The following BBS4 variants were observed in gnomAD, a reference collection of about 807,000 sequenced individuals.
BBS4 encodes Bardet-Biedl syndrome 4, also known as BBSome complex member BBS4.
In BBS4, 58 loss-of-function variants were observed where a neutral mutation model predicts 71.4. The observed-to-expected ratio is 0.81, with a 90% CI of 0.66 to 1.01. The LOEUF (loss-of-function observed/expected upper bound fraction) is 1.01, where lower values mean the gene tolerates loss of function less well. Among genes scored for constraint, BBS4 ranks in the 50% least tolerant of loss-of-function variants. The probability of loss-of-function intolerance (pLI) is 0.00; values close to 1 mark genes in which losing one functional copy is unlikely to be tolerated. For synonymous variants in BBS4, 228 were observed against 216.8 expected, an observed-to-expected ratio of 1.05 and a Z score of -0.46; for missense variants, 660 against 607.9, an observed-to-expected ratio of 1.09 and a Z score of -0.90.
Position 72,735,063 on chromosome 15 carries a change from T to C in BBS4, c.1037-50T>C, listed in dbSNP as rs1466429736. 7 of 1,423,024 alleles carry C rather than the reference T, an allele frequency of 4.9e-6. No individual in the cohort carries two copies. The African/African-American group carries it at 8.4e-5, about 17-fold the overall frequency. The allele number at this position is 1,423,024 out of a possible 1,614,324, so 88.1% of individuals were successfully genotyped here. On this transcript the variant is annotated intron_variant, in intron 12 of 15. Coordinates refer to ENST00000268057, the MANE Select transcript of BBS4 (RefSeq NM_033028.5). ...CTTTGGGGGTAGTCTTTAATACTCC[T>C]TTTGTCTTCTAAGCTGAGCTCTCCA...
At position 72,697,192 on chromosome 15, in the gene BBS4, CAAAGTA is replaced by C. The variant is rs960582749; in HGVS notation, c.76+1965_76+1970del. 4.6e-5 allele frequency among the ~76,000 whole-genome samples: 7 copies of C among 152,232 alleles called. No individual in the cohort carries two copies. In the South Asian group the frequency reaches 1.0e-3, roughly 23 times the overall value. ...AAGTGATCCACCTGCTTTGGCCCCC[CAAAGTA>C]CTGGGATTACAGGCATGAGCCACTG... On this transcript the variant is annotated intron_variant, in intron 2 of 15. Coordinates refer to ENST00000268057, the MANE Select transcript of BBS4 (RefSeq NM_033028.5).
chr15:72,729,894 CGT>C (rs1160276267), intron 10 of BBS4, among the ~76,000 whole-genome samples: 6 of 152,274 alleles, frequency 3.9e-5, no homozygotes, highest in Non-Finnish European at 8.8e-5. Flanking sequence ...TTATAATAGA[CGT>C]GTAACCCCTG....
At chr15:72,709,306 T>TG (rs1567410130) in intron 2 of BBS4, among the ~76,000 whole-genome samples, 2 of 152,224 alleles carry the variant, frequency 1.3e-5, no homozygotes, top group Admixed American at 6.5e-5. Flanking sequence ...ATTGAAATAT[T>TG]GGGGGCAGGT....
At chr15:72,729,505 C>T (rs552022309) in intron 9 of BBS4, 111 bp from the exon 10 acceptor site, 1 of 977,312 alleles carries the variant, frequency 1.0e-6, no homozygotes, top group African/African-American at 1.6e-5. Flanking sequence ...CCACCTTAGC[C>T]TCCCAAAGTG....
In BBS4 at chr15:72,731,700, T is replaced by C. The variant is rs2065828178; in HGVS notation, c.1010T>C (p.Met337Thr). The C allele has an allele frequency of 6.2e-7, 1 of 1,614,180 alleles. No individual in the cohort carries two copies. The highest frequency in any genetic ancestry group is 2.2e-5 in the East Asian group (1 of 44,882). Reference protein sequence around the residue: ...LSAAINFQPKMGELYMLLAVA... With the variant: ...LSAAINFQPKTGELYMLLAVA... ...GCGGCCATCAACTTCCAGCCAAAGA[T>C]GGGGGAGCTCTACATGCTCTTGGCA... Residue 337 changes from methionine to threonine, a missense_variant, in exon 12 of 16, where the codon ATG becomes ACG. Transcript: ENST00000268057.
intron 9 of BBS4, among the ~76,000 whole-genome samples, chr15:72,729,192 CAA>C (rs2065759269): frequency 1.2e-5 from 1 of 82,602 alleles, no homozygotes; most frequent in Non-Finnish European, 2.2e-5. Context: ...TTTTTAAAGT[CAA>C]GAGAACTCAA....
In BBS4 at chr15:72,724,639, T is replaced by A; in HGVS notation, c.571T>A (p.Tyr191Asn). The A allele has an allele frequency of 6.2e-7, 1 of 1,614,024 alleles. No individual in the cohort carries two copies. The highest frequency in any genetic ancestry group is 8.5e-7 in the Non-Finnish European group (1 of 1,179,928). ...EGDLDKAIEVYKKAVEFSPEN... is the reference protein window; with the variant it reads ...EGDLDKAIEVNKKAVEFSPEN... ...AGACTTGGACAAGGCCATTGAAGTC[T>A]ACAAGAAAGCAGTGGAGTAAGTGTA... The change falls in exon 8 of 16, where the codon TAC becomes AAC. Residue 191 changes from tyrosine to asparagine, a missense_variant. Physicochemically the swap from Tyr to Asn is moderately radical, Grantham distance 143. Transcript: ENST00000268057.
chr15:72,705,587 C>CTTTT (rs762708438), intron 2 of BBS4, among the ~76,000 whole-genome samples: 1,294 of 86,744 alleles, frequency 0.015, 20 homozygotes, highest in Middle Eastern at 0.032. Context: ...ATGGCTTGTC[C>CTTTT]TTTTTTTTTT....
intron 2 of BBS4, among the ~76,000 whole-genome samples, chr15:72,706,504 C>T (rs527539328): frequency 2.0e-5 from 3 of 152,104 alleles, no homozygotes; most frequent in South Asian, 4.1e-4. Context: ...CTTGGTGACT[C>T]GTGTGGCTTT....
intron 2 of BBS4, among the ~76,000 whole-genome samples, chr15:72,704,636 T>A (rs1162734156): frequency 6.6e-6 from 1 of 152,054 alleles, no homozygotes; most frequent in Middle Eastern, 3.2e-3. Context: ...TCCCAGCACT[T>A]TGGGAGACTG....
chr15:72,721,984 T>G (rs1349570912), intron 6 of BBS4, among the ~76,000 whole-genome samples: 1 of 152,256 alleles, frequency 6.6e-6, no homozygotes, highest in Non-Finnish European at 1.5e-5. Flanking sequence ...CTTCATCTTT[T>G]CTTTCTGTAG....
chr15:72,720,591 A>G (rs1228414115), intron 6 of BBS4, among the ~76,000 whole-genome samples: 1 of 151,924 alleles, frequency 6.6e-6, no homozygotes, highest in Admixed American at 6.6e-5. Context: ...TCCTCCTGCC[A>G]TTATCTTAGT....
chr15:72,726,598 G>A (rs1011920344), intron 8 of BBS4, among the ~76,000 whole-genome samples: 12 of 152,092 alleles, frequency 7.9e-5, no homozygotes, highest in African/African-American at 2.4e-4. Flanking sequence ...TAAATTTTCT[G>A]GTTATATCAG....
At position 72,736,662 on chromosome 15, in the gene BBS4, A is replaced by G. The variant is rs144772355; in HGVS notation, c.1249-100A>G. The stretch of plus-strand genomic sequence containing the variant: ...GCCTCAACTGCTAGTACGACCAGAC[A>G]CTATTTCAGCTAAAACCCCAGCTCG... On this transcript the variant is annotated intron_variant, in intron 14 of 15. Transcript: ENST00000268057. The G allele has an allele frequency of 2.3e-4, 258 of 1,110,602 alleles. 3 individuals are homozygous for G. In the African/African-American group the frequency reaches 3.4e-3, roughly 15 times the overall value. 68.8% of individuals were successfully genotyped at this position (1,110,602 alleles called of 1,614,324 possible).
At chr15:72,698,844 C>T (rs1187204140) in intron 2 of BBS4, among the ~76,000 whole-genome samples, 1 of 152,142 alleles carries the variant, frequency 6.6e-6, no homozygotes, top group African/African-American at 2.4e-5. Context: ...ATGCTCTTCA[C>T]TTCATTAATC....
At chr15:72,712,524 A>G (rs2065392954) in intron 4 of BBS4, among the ~76,000 whole-genome samples, 1 of 152,264 alleles carries the variant, frequency 6.6e-6, no homozygotes, top group African/African-American at 2.4e-5. Flanking sequence ...ATAGTGTACT[A>G]TACACATGAT....
chr15:72,725,632 C>CTTA (rs2065657668), intron 8 of BBS4, among the ~76,000 whole-genome samples: 1 of 152,094 alleles, frequency 6.6e-6, no homozygotes, highest in East Asian at 1.9e-4. Flanking sequence ...AACATTTGGC[C>CTTA]TTATTAGCAT....
At position 72,737,513 on chromosome 15, in the gene BBS4, T is replaced by G; in HGVS notation, c.1486T>G (p.Ser496Ala). The G allele has an allele frequency of 6.2e-7, 1 of 1,613,156 alleles. No individual in the cohort carries two copies. The highest frequency in any genetic ancestry group is 8.5e-7 in the Non-Finnish European group (1 of 1,179,668). The change falls in exon 16 of 16, where the codon TCT becomes GCT. Residue 496 changes from serine (S) to alanine (A), a missense_variant. Physicochemically the swap from Ser to Ala is moderately conservative, Grantham distance 99 (BLOSUM62 1). Transcript: ENST00000268057. ...GGTSQFTKPP[S>A]LPLEPEPAVE... Reference sequence around the variant, plus strand: ...AACATCCCAGTTCACAAAGCCCCCATCTCTTCCTCTGGAGCCAGAGCCTGC... The same window carrying G: ...AACATCCCAGTTCACAAAGCCCCCAGCTCTTCCTCTGGAGCCAGAGCCTGC...
At chr15:72,687,585 CAG>C (rs1464308852) in intron 1 of BBS4, among the ~76,000 whole-genome samples, 1 of 144,896 alleles carries the variant, frequency 6.9e-6, no homozygotes, top group African/African-American at 2.5e-5. Flanking sequence ...GCATGAGCGA[CAG>C]AGACAGACTC....
Sources: gnomAD v4.1 joint callset for allele counts (sites outside exome capture counted in the v4.1 genomes callset) on GRCh38, gnomAD v4.1.1 for gene constraint, MANE v1.5 for transcripts, NCBI Gene and HGNC (gene_info 2026-07-23, HGNC 2026-07-21) for gene names.